Variants in TMEM117 observed in about 807,000 individuals in gnomAD.
TMEM117 encodes transmembrane protein 117.
In TMEM117, 27 loss-of-function variants were observed where a neutral mutation model predicts 52.4. The ratio of observed to expected loss-of-function variants is 0.51; its 90% CI spans 0.38 to 0.71. The LOEUF is 0.71. Ranked by LOEUF, TMEM117 falls within the 30% of genes least tolerant of loss-of-function variation. TMEM117 has a pLI of 0.00. For missense variants in TMEM117, 556 were observed against 630.5 expected, an observed-to-expected ratio of 0.88 and a Z score of 1.26; for synonymous variants, 215 against 206.3, an observed-to-expected ratio of 1.04 and a Z score of -0.36.
intron 5 of TMEM117, among the ~76,000 whole-genome samples, chr12:44,283,505 G>A (rs1950602539): frequency 6.6e-6 from 1 of 152,092 alleles, no homozygotes; most frequent in Non-Finnish European, 1.5e-5. Context: ...TGCCCCACTG[G>A]ATTTCAGACT....
intron 3 of TMEM117, among the ~76,000 whole-genome samples, chr12:44,028,862 A>G (rs576322051): frequency 1.3e-5 from 2 of 151,916 alleles, no homozygotes; most frequent in South Asian, 2.1e-4. Flanking sequence ...CTGGATTGGA[A>G]CTCCTTTCTT....
chr12:44,375,052 C>T (rs902813379), intron 6 of TMEM117, among the ~76,000 whole-genome samples: 2 of 152,010 alleles, frequency 1.3e-5, no homozygotes, highest in South Asian at 2.1e-4. Context: ...AAACGTCTTC[C>T]AAGCAACATA....
At chr12:44,002,538 C>A (rs1236328668) in intron 3 of TMEM117, among the ~76,000 whole-genome samples, 1 of 152,146 alleles carries the variant, frequency 6.6e-6, no homozygotes, top group African/African-American at 2.4e-5. Context: ...GCTCTTCCTC[C>A]CTACTTCATC....
the TMEM117 span, among the ~76,000 whole-genome samples, chr12:43,812,693 A>T: frequency 6.6e-6 from 1 of 151,988 alleles, no homozygotes; most frequent in Non-Finnish European, 1.5e-5. Flanking sequence ...TTGATCCTAT[A>T]CTAGGCTGGG....
chr12:44,114,808 A>G (rs1948108686), intron 3 of TMEM117, among the ~76,000 whole-genome samples: 1 of 152,168 alleles, frequency 6.6e-6, no homozygotes, highest in Admixed American at 6.5e-5. Context: ...AGCTAATAGA[A>G]CAAACATTAC....
intron 4 of TMEM117, among the ~76,000 whole-genome samples, chr12:44,181,534 G>A (rs1949199102): frequency 6.6e-6 from 1 of 150,592 alleles, no homozygotes; most frequent in Non-Finnish European, 1.5e-5. Flanking sequence ...TTTTGTATAA[G>A]GTGTAAGGAA....
intron 4 of TMEM117, among the ~76,000 whole-genome samples, chr12:44,205,900 C>T (rs1183726709): frequency 2.0e-5 from 3 of 152,126 alleles, no homozygotes; most frequent in Non-Finnish European, 2.9e-5. Flanking sequence ...CCTTCCAATC[C>T]CATTACTGGG....
chr12:43,869,673 T>A (rs1943670180), intron 2 of TMEM117, among the ~76,000 whole-genome samples: 1 of 152,252 alleles, frequency 6.6e-6, no homozygotes, highest in Non-Finnish European at 1.5e-5. Context: ...TGCTTTCTTT[T>A]TCCTGTTCTT....
intron 3 of TMEM117, among the ~76,000 whole-genome samples, chr12:44,070,994 T>C (rs1409038073): frequency 6.6e-6 from 1 of 152,210 alleles, no homozygotes; most frequent in African/African-American, 2.4e-5. Context: ...GAAAAGTTCC[T>C]GAGAATTCAG....
intron 3 of TMEM117, chr12:44,008,860 A>G (rs1946244851): frequency 2.3e-6 from 1 of 443,196 alleles, no homozygotes; most frequent in Non-Finnish European, 4.5e-6. Context: ...TTGTGTCATG[A>G]CTAAAGCATT....
the TMEM117 span, among the ~76,000 whole-genome samples, chr12:43,803,982 T>C: frequency 2.0e-5 from 3 of 152,288 alleles, no homozygotes; most frequent in South Asian, 6.2e-4. Flanking sequence ...GTTTACAGAA[T>C]TATTTTTAAA....
At chr12:43,840,417 C>T (rs575802058) in intron 1 of TMEM117, among the ~76,000 whole-genome samples, 3 of 152,112 alleles carry the variant, frequency 2.0e-5, no homozygotes, top group Non-Finnish European at 4.4e-5. Context: ...TTTAACACCT[C>T]GTGCTGAAAT....
At chr12:44,027,120 T>TTTTA (rs1187905629) in intron 3 of TMEM117, among the ~76,000 whole-genome samples, 1,285 of 124,026 alleles carry the variant, frequency 0.01, 14 homozygotes, top group Middle Eastern at 0.028. Flanking sequence ...TTTTATCTTA[T>TTTTA]TATTTTATTT....
intron 4 of TMEM117, among the ~76,000 whole-genome samples, chr12:44,197,462 T>C (rs1000108447): frequency 3.9e-5 from 6 of 152,192 alleles, no homozygotes; most frequent in African/African-American, 1.4e-4. Context: ...AATATTGGGC[T>C]AATATAGTTT....
chr12:44,197,407 G>A (rs1387747858), intron 4 of TMEM117, among the ~76,000 whole-genome samples: 1 of 152,088 alleles, frequency 6.6e-6, no homozygotes, highest in African/African-American at 2.4e-5. Context: ...TATGCATCCT[G>A]AAAGCTACTC....
intron 3 of TMEM117, among the ~76,000 whole-genome samples, chr12:44,015,473 T>C (rs1369246969): frequency 6.6e-6 from 1 of 152,176 alleles, no homozygotes; most frequent in Non-Finnish European, 1.5e-5. Context: ...TCTCATAAGA[T>C]GGAAAAGCTT....
chr12:44,326,519 A>G (rs767848846), intron 6 of TMEM117, among the ~76,000 whole-genome samples: 6 of 152,160 alleles, frequency 3.9e-5, no homozygotes, highest in Admixed American at 1.3e-4. Context: ...CAGTAGGAAC[A>G]TGCTCTCTAC....
At chr12:44,009,029 G>T in intron 3 of TMEM117, 1 of 379,348 alleles carries the variant, frequency 2.6e-6, no homozygotes, top group South Asian at 2.2e-5. Flanking sequence ...AGAGCTAACT[G>T]AAGCTTTTCC....
At chr12:44,275,013 A>T (rs1428074994) in intron 5 of TMEM117, among the ~76,000 whole-genome samples, 20 of 152,228 alleles carry the variant, frequency 1.3e-4, no homozygotes. Context: ...CAAAGTAAAA[A>T]TCCCACAGAA....
Sources: gnomAD v4.1 joint callset for allele counts (sites outside exome capture counted in the v4.1 genomes callset) on GRCh38, gnomAD v4.1.1 for gene constraint, MANE v1.5 for transcripts, NCBI Gene and HGNC (gene_info 2026-07-23, HGNC 2026-07-21) for gene names.